The following PNLIPRP1 variants were observed in gnomAD, a reference collection of about 807,000 sequenced individuals.
The protein encoded by PNLIPRP1 is pancreatic lipase related protein 1, also known as inactive pancreatic lipase-related protein 1.
In PNLIPRP1, 57 loss-of-function variants were observed where a neutral mutation model predicts 54.6. The ratio of observed to expected loss-of-function variants is 1.04; its 90% confidence interval spans 0.84 to 1.30. The LOEUF (loss-of-function observed/expected upper bound fraction) is 1.30. Ranked by LOEUF, PNLIPRP1 falls within the 50% of genes most tolerant of loss-of-function variation. PNLIPRP1 has a pLI of 0.00. For missense variants in PNLIPRP1, 567 were observed against 568.5 expected (o/e 1.00, Z 0.03); for synonymous variants, 232 against 208.8 (o/e 1.11, Z -0.96).
At chr10:116,607,723 G>T (rs1847959160) in intron 12 of PNLIPRP1, among the ~76,000 whole-genome samples, 1 of 152,188 alleles carries the variant, frequency 6.6e-6, no homozygotes, top group Non-Finnish European at 1.5e-5. Flanking sequence ...AGGTGGTGAG[G>T]CCTGAGAGAA....
At chr10:116,594,971 T>C in intron 5 of PNLIPRP1, 107 bp downstream of exon 5, 1 of 1,323,780 alleles carries the variant, frequency 7.6e-7, no homozygotes, top group Non-Finnish European at 1.0e-6. Context: ...AAAGAATTGA[T>C]ATCCAGACCT....
intron 4 of PNLIPRP1, 89 bp downstream of exon 4, chr10:116,592,630 A>G (rs781785159): frequency 6.8e-7 from 1 of 1,468,114 alleles, no homozygotes; most frequent in Non-Finnish European, 9.5e-7. Context: ...AGAAATCTTT[A>G]CATATTAGGT....
At chr10:116,603,367 T>C (rs1395569169) in intron 10 of PNLIPRP1, among the ~76,000 whole-genome samples, 1 of 152,232 alleles carries the variant, frequency 6.6e-6, no homozygotes, top group African/African-American at 2.4e-5. Flanking sequence ...CTTTCTGCAA[T>C]GAGGGGCATA....
At chr10:116,609,020 C>T in intron 12 of PNLIPRP1, 33 bp from the exon 13 acceptor site, 1 of 1,556,050 alleles carries the variant, frequency 6.4e-7, no homozygotes, top group Non-Finnish European at 8.9e-7. Flanking sequence ...CTAAGGTGAC[C>T]CAAACTCTTA....
intron 12 of PNLIPRP1, 60 bp from the exon 13 acceptor site, chr10:116,608,993 A>C: frequency 7.6e-7 from 1 of 1,315,424 alleles, no homozygotes; most frequent in Non-Finnish European, 1.1e-6. Flanking sequence ...AAAACAAAAC[A>C]AAACACCTGG....
At chr10:116,608,789 T>C (rs1226060551) in intron 12 of PNLIPRP1, among the ~76,000 whole-genome samples, 2 of 152,200 alleles carry the variant, frequency 1.3e-5, no homozygotes, top group East Asian at 3.9e-4. Flanking sequence ...TGAGAGTCCC[T>C]GCCTTCGGAG....
chr10:116,602,912 C>T (rs1554865006), intron 10 of PNLIPRP1, among the ~76,000 whole-genome samples: 1 of 150,606 alleles, frequency 6.6e-6, no homozygotes, highest in African/African-American at 2.4e-5. Context: ...TGTGTGTGTG[C>T]ACATACACAT....
chr10:116,596,238 A>G lies in PNLIPRP1; in HGVS notation c.490A>G (p.Lys164Glu). The stretch of plus-strand genomic sequence containing the variant: ...GACAGAGTATAGCTACCCCCCTTCC[A>G]AAGTTCACCTCATTGGCCACAGCCT... ...LLTEYSYPPS[K>E]VHLIGHSLGA... The change falls in exon 6 of 13, where the codon AAA (lysine) becomes GAA (glutamate). Residue 164 changes from lysine (K) to glutamate (E), a missense_variant. Coordinates refer to ENST00000358834, the MANE Select transcript of PNLIPRP1 (RefSeq NM_006229.4). 6.2e-7 allele frequency: 1 copy of G among 1,613,420 alleles called. No homozygotes were observed. Among genetic ancestry groups the G allele is most frequent in the Non-Finnish European group, 8.5e-7 (1 of 1,179,370 alleles).
At chr10:116,604,523 C>T (rs1463936492) in intron 11 of PNLIPRP1, among the ~76,000 whole-genome samples, 1 of 152,102 alleles carries the variant, frequency 6.6e-6, no homozygotes, top group Admixed American at 6.5e-5. Context: ...ATGATGTCCA[C>T]ACAATGATTA....
At chr10:116,601,297 C>G in intron 10 of PNLIPRP1, 96 bp downstream of exon 10, 1 of 1,149,440 alleles carries the variant, frequency 8.7e-7, no homozygotes, top group Admixed American at 2.3e-5. Context: ...TTTGTGGGTA[C>G]ATTTTAATTA....
At position 116,592,510 on chromosome 10, in the gene PNLIPRP1, G is replaced by A; in HGVS notation, c.299G>A (p.Gly100Glu). 1.2e-6 allele frequency: 2 copies of A among 1,614,174 alleles called. No individual in the cohort carries two copies. Among genetic ancestry groups the A allele is most frequent in the African/African-American group, 1.3e-5 (1 of 75,044 alleles). Residue 100 changes from glycine (G) to glutamate (E), a missense_variant, in exon 4 of 13, where the codon GGA (glycine) becomes GAA (glutamate). Gly to Glu is a moderately conservative substitution (Grantham distance 98). Coordinates refer to ENST00000358834, the MANE Select transcript of PNLIPRP1 (RefSeq NM_006229.4). Reference protein sequence around the residue: ...RFIIHGFIDKGDESWVTDMCK... With the variant: ...RFIIHGFIDKEDESWVTDMCK... ...ATCATCCATGGCTTCATAGACAAAG[G>A]AGATGAGAGCTGGGTGACAGACATG...
chr10:116,593,605 T>C (rs1377286277), intron 4 of PNLIPRP1: 1 of 152,236 alleles, frequency 6.6e-6, no homozygotes, highest in East Asian at 1.9e-4. Flanking sequence ...ATCTTATTGA[T>C]ACAGTTTATA....
chr10:116,591,085 C>G, intron 1 of PNLIPRP1, 45 bp from the exon 2 acceptor site: 1 of 1,543,636 alleles, frequency 6.5e-7, no homozygotes, highest in Non-Finnish European at 8.9e-7. Context: ...GCTCACTGCT[C>G]TGGCAATGCC....
At chr10:116,591,648 G>A (rs987911375) in intron 2 of PNLIPRP1, 123 bp from the exon 3 acceptor site, 3 of 971,860 alleles carry the variant, frequency 3.1e-6, no homozygotes, top group Non-Finnish European at 4.7e-6. Context: ...AGGGGTTGCA[G>A]TAGGTTCATC....
intron 4 of PNLIPRP1, chr10:116,592,942 T>C (rs1847666493): frequency 2.9e-6 from 1 of 341,148 alleles, no homozygotes; most frequent in African/African-American, 2.2e-5. Flanking sequence ...CCAAGGTGGA[T>C]GGATCACCTG....
intron 8 of PNLIPRP1, 58 bp from the exon 9 acceptor site, chr10:116,599,989 A>G (rs1847804480): frequency 9.6e-7 from 1 of 1,044,486 alleles, no homozygotes; most frequent in South Asian, 1.3e-5. Flanking sequence ...AGAGAGAGGC[A>G]GAGAAGCTGT....
intron 9 of PNLIPRP1, among the ~76,000 whole-genome samples, chr10:116,600,751 C>A (rs888060733): frequency 1.3e-5 from 2 of 152,190 alleles, no homozygotes. Context: ...AAATGGTAAG[C>A]ACTGCAATCC....
At chr10:116,603,343 G>A (rs1847882142) in intron 10 of PNLIPRP1, among the ~76,000 whole-genome samples, 1 of 152,228 alleles carries the variant, frequency 6.6e-6, no homozygotes. Flanking sequence ...CTGGGGCAGA[G>A]CTGGCTAACA....
chr10:116,591,318 G>C, intron 2 of PNLIPRP1, 140 bp downstream of exon 2: 3 of 666,282 alleles, frequency 4.5e-6, no homozygotes, highest in Non-Finnish European at 5.2e-6. Context: ...CTCTGCCTGG[G>C]AGAGTAGGCT....
Sources: gnomAD v4.1 joint callset for allele counts (sites outside exome capture counted in the v4.1 genomes callset) on GRCh38, gnomAD v4.1.1 for gene constraint, MANE v1.5 for transcripts, NCBI Gene and HGNC (gene_info 2026-07-23, HGNC 2026-07-21) for gene names.